The following ZNF730 variants were observed in gnomAD, a reference collection of about 807,000 sequenced individuals.
ZNF730 encodes the protein putative zinc finger protein 730.
ZNF730 carries 12 observed loss-of-function variants against 12.6 expected under a neutral mutation model. That is an observed-to-expected ratio of 0.95 (90% CI 0.61 to 1.54). The LOEUF (loss-of-function observed/expected upper bound fraction) is 1.54. Ranked by LOEUF, ZNF730 falls within the 40% of genes most tolerant of loss-of-function variation. ZNF730 has a pLI of 0.00. For missense variants in ZNF730, 643 were observed against 583.5 expected (o/e 1.10, Z -1.05); for synonymous variants, 194 against 195.8 (o/e 0.99, Z 0.08).
At chr19:23,093,083 C>T (rs376546294) in intron 1 of ZNF730, among the ~76,000 whole-genome samples, 256 of 152,212 alleles carry the variant, frequency 1.7e-3, no homozygotes, top group African/African-American at 5.9e-3. Flanking sequence ...CTCCGCCTCC[C>T]GGGTTCAAGT....
At chr19:23,096,918 G>A (rs553433365) in intron 1 of ZNF730, among the ~76,000 whole-genome samples, 12 of 152,184 alleles carry the variant, frequency 7.9e-5, no homozygotes, top group Non-Finnish European at 1.2e-4. Context: ...CATGGGAACT[G>A]TCCACAAAAG....
chr19:23,105,686 C>T (rs970522717), intron 1 of ZNF730, among the ~76,000 whole-genome samples: 1 of 152,174 alleles, frequency 6.6e-6, no homozygotes, highest in Non-Finnish European at 1.5e-5. Context: ...AGGATATCCA[C>T]TCCTAGGTCA....
At chr19:23,122,132 CTTTTT>C (rs71163449) in intron 1 of ZNF730, among the ~76,000 whole-genome samples, 3 of 22,778 alleles carry the variant, frequency 1.3e-4, no homozygotes, top group Admixed American at 1.1e-3. Flanking sequence ...TTGTTTAAAG[CTTTTT>C]TTTTTTTTTT....
At chr19:23,113,232 C>A (rs970685566), upstream of ZNF730, among the ~76,000 whole-genome samples, 3 of 152,088 alleles carry the variant, frequency 2.0e-5, no homozygotes, top group African/African-American at 7.2e-5. Flanking sequence ...ATTATTTGAT[C>A]TATGTAATGT....
chr19:23,095,184 T>G (rs189642282), intron 1 of ZNF730: 1 of 392,882 alleles, frequency 2.5e-6, no homozygotes, highest in Admixed American at 4.4e-5. Flanking sequence ...GCCTTGACAC[T>G]GCCCACAGAG....
At chr19:23,127,455 C>G in intron 1 of ZNF730, 1 of 1,102,696 alleles carries the variant, frequency 9.1e-7, no homozygotes, top group South Asian at 1.3e-5. Flanking sequence ...ATTGACCCTT[C>G]TCCTTCTCCA....
chr19:23,122,130 AG>A (rs143232525), intron 1 of ZNF730, among the ~76,000 whole-genome samples: 7 of 134,626 alleles, frequency 5.2e-5, no homozygotes, highest in Non-Finnish European at 1.1e-4. Flanking sequence ...ATTTGTTTAA[AG>A]CTTTTTTTTT....
rs925842149 is a variant in ZNF730, at chr19:23,145,146, A to T, written c.227-125A>T. ...TTGTTACATTTATATGTTTATGAAG[A>T]AATTAGGGCCTGTGGTATTTTGCTA... On this transcript the variant is annotated intron_variant, in intron 3 of 3. Coordinates refer to ENST00000597761, the MANE Select transcript of ZNF730 (RefSeq NM_001277403.2). The T allele has an allele frequency of 6.1e-6, 4 of 655,198 alleles. No homozygotes were observed. The African/African-American group carries it at 7.4e-5, about 12-fold the overall frequency. 40.6% of individuals were successfully genotyped at this position (655,198 alleles called of 1,614,324 possible). A position where few individuals can be genotyped will look rare whatever the true frequency, so the allele number is the denominator to read the frequency against.
At chr19:23,135,656 G>A (rs1023917587) in intron 2 of ZNF730, among the ~76,000 whole-genome samples, 3 of 151,886 alleles carry the variant, frequency 2.0e-5, no homozygotes, top group African/African-American at 4.8e-5. Context: ...GACTACAGGC[G>A]TGTGCCACCA....
chr19:23,117,208 G>C (rs1408280173), intron 1 of ZNF730, 32 bp downstream of exon 1: 2 of 1,613,652 alleles, frequency 1.2e-6, no homozygotes, highest in African/African-American at 2.7e-5. Context: ...CCCGAGAGAG[G>C]GAACGGGGCT....
chr19:23,097,621 A>G (rs1294805481), intron 1 of ZNF730, among the ~76,000 whole-genome samples: 1 of 152,122 alleles, frequency 6.6e-6, no homozygotes, highest in Non-Finnish European at 1.5e-5. Context: ...ACTATTTGAT[A>G]AAGCTCTCCT....
At position 23,106,398 on chromosome 19, in the gene ZNF730, C is replaced by CA. The variant is rs897256889; in HGVS notation, c.-93-27674dup. On this transcript the variant is annotated intron_variant, in intron 1 of 2. Transcript: ENST00000593635. ...TTTTCCTCTGCAAAACAACACAAAA[C>CA]AAAAAAAATACATTGATTTGGAGTA... Among the ~76,000 whole-genome samples the CA allele has an allele frequency of 7.7e-4, 116 of 151,082 alleles. 1 individual carries two copies. Among genetic ancestry groups the CA allele is most frequent in the African/African-American group, 2.5e-3 (103 of 41,240 alleles).
At chr19:23,091,297 CA>C (rs1568302472) in intron 1 of ZNF730, among the ~76,000 whole-genome samples, 1 of 152,180 alleles carries the variant, frequency 6.6e-6, no homozygotes, top group Admixed American at 6.6e-5. Context: ...AAGTTTGCTG[CA>C]GGGGTGGAGC....
intron 3 of ZNF730, chr19:23,143,762 T>C (rs777465889): frequency 2.0e-5 from 3 of 152,212 alleles, no homozygotes; most frequent in Non-Finnish European, 4.4e-5. Flanking sequence ...ACACAGTTTC[T>C]TTCCGGCCTA....
At chr19:23,078,685 C>T (rs1275160689) in intron 1 of ZNF730, among the ~76,000 whole-genome samples, 1 of 152,218 alleles carries the variant, frequency 6.6e-6, no homozygotes, top group Non-Finnish European at 1.5e-5. Context: ...TACTTTGTCT[C>T]TGTGTCTCTT....
At chr19:23,102,897 G>C (rs899270151) in intron 1 of ZNF730, among the ~76,000 whole-genome samples, 4 of 152,132 alleles carry the variant, frequency 2.6e-5, no homozygotes, top group South Asian at 4.1e-4. Flanking sequence ...GGGTCTTCTT[G>C]TACGAAGGTC....
intron 1 of ZNF730, among the ~76,000 whole-genome samples, chr19:23,085,288 C>T (rs370149743): frequency 3.7e-4 from 56 of 151,828 alleles, no homozygotes; most frequent in Middle Eastern, 3.4e-3. Context: ...TTTAAAGGTT[C>T]GTGTCCTTTA....
chr19:23,098,675 G>T (rs1199380116), intron 1 of ZNF730, among the ~76,000 whole-genome samples: 3 of 152,026 alleles, frequency 2.0e-5, no homozygotes, highest in Non-Finnish European at 4.4e-5. Flanking sequence ...AGGAAGAAAT[G>T]GTAACATACC....
Position 23,146,048 on chromosome 19 carries a change from A to G in ZNF730, c.1004A>G (p.Asn335Ser). 1.2e-6 allele frequency: 2 copies of G among 1,607,090 alleles called. No individual in the cohort carries two copies. The highest frequency in any genetic ancestry group is 2.2e-5 in the South Asian group (2 of 90,548). Residue 335 changes from asparagine to serine, a missense_variant, in exon 4 of 4, where the codon AAT becomes AGT. Asn to Ser is a conservative substitution (Grantham distance 46). Coordinates refer to ENST00000597761, the MANE Select transcript of ZNF730 (RefSeq NM_001277403.2). The part of the protein sequence containing the change: ...STLTKHKRIH[N>S]GEKPYKCEEC... ...CTTACAAAACATAAAAGAATTCATA[A>G]TGGAGAAAAACCCTACAAATGTGAA...
Sources: gnomAD v4.1 joint callset for allele counts (sites outside exome capture counted in the v4.1 genomes callset) on GRCh38, gnomAD v4.1.1 for gene constraint, MANE v1.5 for transcripts, NCBI Gene and HGNC (gene_info 2026-07-23, HGNC 2026-07-21) for gene names.